FAM168A: variants seen among roughly 807,000 people sequenced by gnomAD.
FAM168A encodes protein FAM168A.
A neutral mutation model predicts 28.5 loss-of-function variants in FAM168A; 3 were observed. The observed-to-expected ratio is 0.11, with a 90% CI of 0.05 to 0.27. The LOEUF is 0.27. Among genes scored for constraint, FAM168A ranks in the 10% least tolerant of loss-of-function variants. FAM168A has a pLI of 1.00. For missense variants in FAM168A, 222 were observed against 311.5 expected, an observed-to-expected ratio of 0.71 and a Z score of 2.16; for synonymous variants, 122 against 124.2, an observed-to-expected ratio of 0.98 and a Z score of 0.12.
intron 1 of FAM168A, among the ~76,000 whole-genome samples, chr11:73,494,150 A>G (rs890776057): frequency 6.6e-6 from 1 of 152,160 alleles, no homozygotes; most frequent in Non-Finnish European, 1.5e-5. Context: ...ATACATGTAC[A>G]TGTATGATTA....
At chr11:73,558,409 C>A (rs576826440) in intron 1 of FAM168A, among the ~76,000 whole-genome samples, 3 of 142,558 alleles carry the variant, frequency 2.1e-5, no homozygotes, top group African/African-American at 7.8e-5. Flanking sequence ...TTCAAGGCTG[C>A]GGTGAACTAT....
At chr11:73,434,595 A>G (rs1867056542) in intron 2 of FAM168A, among the ~76,000 whole-genome samples, 1 of 152,192 alleles carries the variant, frequency 6.6e-6, no homozygotes, top group Non-Finnish European at 1.5e-5. Context: ...GGAATGGAAC[A>G]AATGAGGGGG....
chr11:73,545,289 G>A (rs1168134402), intron 1 of FAM168A, among the ~76,000 whole-genome samples: 1 of 151,202 alleles, frequency 6.6e-6, no homozygotes, highest in Non-Finnish European at 1.5e-5. Flanking sequence ...GCCTCCCAAA[G>A]TGCTGGAATT....
At chr11:73,430,835 C>CAA (rs1177758601) in intron 2 of FAM168A, 65 bp from the exon 3 acceptor site, 8 of 1,310,204 alleles carry the variant, frequency 6.1e-6, no homozygotes, top group Admixed American at 2.3e-5. Context: ...CAAAACAAAA[C>CAA]AAAAAAACAC....
intron 1 of FAM168A, among the ~76,000 whole-genome samples, chr11:73,475,713 G>C (rs1416457160): frequency 6.6e-6 from 1 of 152,040 alleles, no homozygotes. Flanking sequence ...ATTAAGAACA[G>C]TGAAAATCCA....
chr11:73,555,642 C>A (rs375241732), intron 1 of FAM168A, among the ~76,000 whole-genome samples: 1 of 150,006 alleles, frequency 6.7e-6, no homozygotes, highest in Non-Finnish European at 1.5e-5. Flanking sequence ...CGGGAGGCAG[C>A]GGTTGCAATG....
At chr11:73,430,884 G>A (rs1295637806) in intron 2 of FAM168A, 114 bp from the exon 3 acceptor site, 3 of 801,812 alleles carry the variant, frequency 3.7e-6, no homozygotes, top group Non-Finnish European at 5.8e-6. Context: ...TCCTAGGTTT[G>A]GCGTTCAGTC....
intron 1 of FAM168A, among the ~76,000 whole-genome samples, chr11:73,474,960 C>T (rs186489472): frequency 2.7e-4 from 41 of 152,264 alleles, no homozygotes; most frequent in Admixed American, 1.4e-3. Context: ...GCAAAATAGG[C>T]AATGGTAAGG....
intron 2 of FAM168A, among the ~76,000 whole-genome samples, chr11:73,462,929 A>AAAGAG (rs537040466): frequency 2.0e-5 from 3 of 151,634 alleles, no homozygotes; most frequent in Admixed American, 6.6e-5. Context: ...AGAGAAGAGA[A>AAAGAG]AAGAGAAGAG....
At chr11:73,556,431 TTAAA>T (rs1052704153) in intron 1 of FAM168A, among the ~76,000 whole-genome samples, 1 of 150,632 alleles carries the variant, frequency 6.6e-6, no homozygotes, top group Admixed American at 6.6e-5. Flanking sequence ...ATTTAAATAA[TTAAA>T]TAAAATAAAA....
At chr11:73,541,781 A>G (rs1215863231) in intron 1 of FAM168A, among the ~76,000 whole-genome samples, 1 of 152,238 alleles carries the variant, frequency 6.6e-6, no homozygotes. Context: ...TGTGTAAACT[A>G]TAAAGTATTA....
intron 1 of FAM168A, among the ~76,000 whole-genome samples, chr11:73,505,038 C>T (rs960402510): frequency 2.0e-5 from 3 of 151,594 alleles, no homozygotes; most frequent in Admixed American, 1.3e-4. Context: ...ACTAAGAGTA[C>T]GGGTCACTAG....
At chr11:73,548,313 GATA>G (rs1259688722) in intron 1 of FAM168A, among the ~76,000 whole-genome samples, 3 of 141,368 alleles carry the variant, frequency 2.1e-5, no homozygotes, top group South Asian at 2.1e-4. Context: ...GAAGTAAGAT[GATA>G]ATAATAATAG....
At chr11:73,547,757 G>C (rs1319163736) in intron 1 of FAM168A, among the ~76,000 whole-genome samples, 1 of 151,752 alleles carries the variant, frequency 6.6e-6, no homozygotes, top group Non-Finnish European at 1.5e-5. Flanking sequence ...GCAGAATCTT[G>C]AAGACATATT....
intron 1 of FAM168A, among the ~76,000 whole-genome samples, chr11:73,592,845 G>C (rs186560951): frequency 5.2e-4 from 78 of 150,274 alleles, no homozygotes; most frequent in African/African-American, 1.7e-3. Flanking sequence ...ACTTGACCAG[G>C]ACAACATAGC....
chr11:73,466,444 A>C (rs1867737289), intron 2 of FAM168A, among the ~76,000 whole-genome samples: 1 of 152,228 alleles, frequency 6.6e-6, no homozygotes, highest in Non-Finnish European at 1.5e-5. Context: ...GACCTGAATT[A>C]AACTACCATA....
At position 73,535,376 on chromosome 11, in the gene FAM168A, ACTACAGGTG is replaced by A. The variant is rs547253874; in HGVS notation, c.-19+62538_-19+62546del. 2.0e-3 allele frequency among the ~76,000 whole-genome samples: 296 copies of A among 150,284 alleles called. 4 individuals carry two copies. Among genetic ancestry groups the A allele is most frequent in the African/African-American group, 6.6e-3 (270 of 40,902 alleles). On this transcript the variant is annotated intron_variant, in intron 1 of 7. Coordinates refer to ENST00000356467, the MANE Select transcript of FAM168A (RefSeq NM_015159.3). ...CCACCTAGCCTCCCATGTAGCTAGG[ACTACAGGTG>A]CTCACGACCACATCCAGCTATTTTC...
intron 1 of FAM168A, among the ~76,000 whole-genome samples, chr11:73,551,510 T>C (rs1005062875): frequency 1.3e-5 from 2 of 152,238 alleles, no homozygotes; most frequent in Non-Finnish European, 2.9e-5. Context: ...GTCAATTCTA[T>C]AAACTAAAAA....
At chr11:73,432,297 A>G (rs1338268981) in intron 2 of FAM168A, among the ~76,000 whole-genome samples, 1 of 152,218 alleles carries the variant, frequency 6.6e-6, no homozygotes, top group Admixed American at 6.5e-5. Context: ...ACCAAGTAGT[A>G]GAATTGTTGG....
Sources: allele counts gnomAD v4.1 joint callset (sites outside exome capture counted in the v4.1 genomes callset), GRCh38; gene constraint gnomAD v4.1.1; transcripts MANE v1.5; gene names NCBI Gene and HGNC (gene_info 2026-07-23, HGNC 2026-07-21).